The following GABRR3 variants were observed in gnomAD, a reference collection of about 807,000 sequenced individuals.
GABRR3 encodes gamma-aminobutyric acid type A receptor subunit rho3.
A neutral mutation model predicts 43.2 loss-of-function variants in GABRR3; 29 were observed. That is an observed-to-expected ratio of 0.67 (90% CI 0.50 to 0.92). GABRR3 has a LOEUF of 0.92. Among genes scored for constraint, GABRR3 ranks in the 40% least tolerant of loss-of-function variants. GABRR3 has a pLI of 0.00. For synonymous variants in GABRR3, 206 were observed against 195.9 expected (o/e 1.05, Z -0.43); for missense variants, 576 against 572.3 (o/e 1.01, Z -0.07).
At chr3:97,987,638 A>G (rs1345673359) in intron 9 of GABRR3, among the ~76,000 whole-genome samples, 11 of 152,252 alleles carry the variant, frequency 7.2e-5, no homozygotes, top group African/African-American at 9.6e-5. Flanking sequence ...TCTTCGATTT[A>G]TAGTGATTTA....
chr3:98,030,949 G>T (rs1707079635), intron 2 of GABRR3, among the ~76,000 whole-genome samples: 1 of 152,174 alleles, frequency 6.6e-6, no homozygotes, highest in Non-Finnish European at 1.5e-5. Flanking sequence ...AAATCAATTG[G>T]TCCAATTTTT....
intron 8 of GABRR3, chr3:97,998,063 CA>C (rs1345751241): frequency 6.6e-6 from 1 of 150,666 alleles, no homozygotes; most frequent in Non-Finnish European, 1.5e-5. Context: ...ATAATTCTGA[CA>C]ATTAAAAATA....
intron 2 of GABRR3, among the ~76,000 whole-genome samples, chr3:98,030,811 T>C (rs1480947487): frequency 6.6e-6 from 1 of 152,128 alleles, no homozygotes; most frequent in Middle Eastern, 3.2e-3. Context: ...CCAAATAATG[T>C]AGGCAAAATT....
chr3:98,022,988 T>C (rs1190655612), intron 3 of GABRR3, among the ~76,000 whole-genome samples: 1 of 152,126 alleles, frequency 6.6e-6, no homozygotes, highest in Non-Finnish European at 1.5e-5. Flanking sequence ...AATGAAGGCA[T>C]ACATGTTTTA....
intron 3 of GABRR3, among the ~76,000 whole-genome samples, chr3:98,021,261 A>C (rs543961592): frequency 3.3e-5 from 5 of 152,130 alleles, no homozygotes; most frequent in Admixed American, 1.3e-4. Context: ...GATAGAGTAG[A>C]GAGTGAGCAG....
intron 9 of GABRR3, among the ~76,000 whole-genome samples, chr3:97,990,205 A>C (rs907348228): frequency 6.6e-6 from 1 of 152,190 alleles, no homozygotes; most frequent in African/African-American, 2.4e-5. Flanking sequence ...CCCTTTTACT[A>C]TATCACTTGA....
At chr3:98,033,816 G>T (rs1372530443) in intron 2 of GABRR3, among the ~76,000 whole-genome samples, 3 of 152,142 alleles carry the variant, frequency 2.0e-5, no homozygotes. Flanking sequence ...GTCTGGGTCT[G>T]GGAGCAGAAG....
intron 8 of GABRR3, chr3:98,000,944 T>C (rs1007375092): frequency 3.9e-5 from 6 of 152,148 alleles, no homozygotes; most frequent in African/African-American, 1.2e-4. Flanking sequence ...TAAATCAGTG[T>C]GTGTGACAGA....
At chr3:97,999,304 T>G (rs1052509051) in intron 8 of GABRR3, 2 of 152,094 alleles carry the variant, frequency 1.3e-5, no homozygotes, top group African/African-American at 4.8e-5. Context: ...GTGAGGATAT[T>G]TATGCTTCAT....
rs143044448 is a variant in GABRR3, at chr3:98,018,574, A to G, written c.239-852T>C. Reference sequence around the variant, plus strand: ...AAACGATTTCACCACTTCCAGTGTGAGTCGAAATTGATGTTAGTAACATCA... The same window carrying G: ...AAACGATTTCACCACTTCCAGTGTGGGTCGAAATTGATGTTAGTAACATCA... On this transcript the variant is annotated intron_variant, in intron 3 of 9. Coordinates refer to ENST00000621172, the Ensembl canonical transcript of GABRR3. 2.7e-3 allele frequency among the ~76,000 whole-genome samples: 415 copies of G among 152,270 alleles called. 4 individuals carry two copies. Among genetic ancestry groups the G allele is most frequent in the African/African-American group, 9.6e-3 (399 of 41,566 alleles).
At position 98,030,270 on chromosome 3, in the gene GABRR3, G is replaced by A. The variant is rs147151298; in HGVS notation, c.126-4591C>T. Among the ~76,000 whole-genome samples, 1,024 of 151,420 alleles carry A rather than the reference G, an allele frequency of 6.8e-3. 13 individuals carry two copies. Among genetic ancestry groups the A allele is most frequent in the African/African-American group, 0.024 (984 of 41,204 alleles). On this transcript the variant is annotated intron_variant, in intron 2 of 9. Coordinates refer to ENST00000621172, the Ensembl canonical transcript of GABRR3. ...ATTCCAGAAAAATCATAATTTTCTC[G>A]GTAAAGAAAAAAATAAAATGTGTGA...
At chr3:98,027,082 T>C (rs1328648625) in intron 2 of GABRR3, among the ~76,000 whole-genome samples, 1 of 152,206 alleles carries the variant, frequency 6.6e-6, no homozygotes, top group African/African-American at 2.4e-5. Flanking sequence ...AACTAGTTTT[T>C]CCAAGGAGCT....
rs185326103 is a variant in GABRR3 at position 98,011,349 on chromosome 3, A to T, written c.530+995T>A. 5.7e-3 allele frequency among the ~76,000 whole-genome samples: 871 copies of T among 152,320 alleles called. 5 individuals are homozygous for T. The highest frequency in any genetic ancestry group is 0.02 in the African/African-American group (839 of 41,558). The stretch of plus-strand genomic sequence containing the variant: ...TGGAGGCCAGAACTCTGAAATCAGT[A>T]TCATGGAGCTGAAATCAAAGTGTCA... On this transcript the variant is annotated intron_variant, in intron 5 of 9. Transcript: ENST00000621172.
intron 7 of GABRR3, among the ~76,000 whole-genome samples, chr3:98,004,732 T>C (rs1706702938): frequency 6.6e-6 from 1 of 151,746 alleles, no homozygotes; most frequent in Non-Finnish European, 1.5e-5. Context: ...TAAGGTCCTA[T>C]AACTATATTT....
At chr3:97,985,923 G>T (rs191931135), downstream of GABRR3, among the ~76,000 whole-genome samples, 141 of 152,070 alleles carry the variant, frequency 9.3e-4, 1 homozygote, top group African/African-American at 3.1e-3. Context: ...CTAGAGTGCA[G>T]TGGCTCAATC....
chr3:98,032,283 T>C (rs1170233600), intron 2 of GABRR3, among the ~76,000 whole-genome samples: 3 of 152,192 alleles, frequency 2.0e-5, no homozygotes, highest in Admixed American at 6.5e-5. Flanking sequence ...CAGGCTTATA[T>C]AATTTATTTT....
intron 4 of GABRR3, among the ~76,000 whole-genome samples, chr3:98,016,035 A>T (rs1706868288): frequency 1.3e-5 from 2 of 152,180 alleles, no homozygotes; most frequent in African/African-American, 4.8e-5. Context: ...GGGCAGCAGG[A>T]GAGAGAGCAT....
intron 7 of GABRR3, 40 bp from the exon 8 acceptor site, chr3:98,001,807 C>G: frequency 6.2e-7 from 1 of 1,609,122 alleles, no homozygotes; most frequent in Non-Finnish European, 8.5e-7. Context: ...AGCAAGCTTC[C>G]CCTTAGAAAC....
intron 3 of GABRR3, 100 bp from the exon 4 acceptor site, chr3:98,017,822 T>C (rs1706889686): frequency 5.0e-6 from 4 of 798,092 alleles, no homozygotes; most frequent in Non-Finnish European, 5.9e-6. Context: ...GCAACTGAAT[T>C]ACTGTTAAAG....
Sources: gnomAD v4.1 joint callset for allele counts (sites outside exome capture counted in the v4.1 genomes callset) on GRCh38, gnomAD v4.1.1 for gene constraint, MANE v1.5 for transcripts, NCBI Gene and HGNC (gene_info 2026-07-23, HGNC 2026-07-21) for gene names.